RBFOX1: variants seen among roughly 807,000 people sequenced by gnomAD.
RBFOX1 encodes RNA binding fox-1 homolog 1, also known as RNA binding protein fox-1 homolog 1.
RBFOX1 carries 8 observed loss-of-function variants against 57.7 expected under a neutral mutation model. That is an observed-to-expected ratio of 0.14 (90% confidence interval 0.08 to 0.25). The LOEUF is 0.25. Among genes scored for constraint, RBFOX1 ranks in the 10% least tolerant of loss-of-function variants. RBFOX1 has a pLI of 1.00. For missense variants in RBFOX1, 611 were observed against 548.5 expected (o/e 1.11, Z -1.14); for synonymous variants, 326 against 222.4 (o/e 1.47, Z -4.15).
At chr16:5,262,198 C>T (rs947672800) in intron 1 of RBFOX1, among the ~76,000 whole-genome samples, 4 of 152,114 alleles carry the variant, frequency 2.6e-5, no homozygotes, top group Admixed American at 6.5e-5. Flanking sequence ...CATGCAGTAA[C>T]GGGGAGAGAG....
rs548533761 is a variant in RBFOX1, at chr16:6,943,832, C to G, written c.-15-108225C>G. On this transcript the variant is annotated intron_variant, in intron 3 of 15. Coordinates refer to ENST00000550418, the MANE Select transcript of RBFOX1 (RefSeq NM_018723.4). ...AAAAACTGTGTTCAAATAAGGCAAA[C>G]GCTGAGCTGTAACCATTCTAGCTTT... Among the ~76,000 whole-genome samples, 6 of 151,998 alleles carry G rather than the reference C, an allele frequency of 3.9e-5. No homozygotes were observed. The East Asian group carries it at 9.7e-4, about 24-fold the overall frequency.
chr16:6,976,827 A>G (rs1479020794), intron 3 of RBFOX1, among the ~76,000 whole-genome samples: 1 of 146,236 alleles, frequency 6.8e-6, no homozygotes, highest in African/African-American at 2.5e-5. Context: ...TAGATCATAT[A>G]TAATGTACCT....
chr16:7,416,403 A>G (rs2098478256), intron 4 of RBFOX1, among the ~76,000 whole-genome samples: 1 of 152,160 alleles, frequency 6.6e-6, no homozygotes, highest in African/African-American at 2.4e-5. Flanking sequence ...TCTCATGCTT[A>G]CTGATATGAT....
chr16:7,704,131 AG>A (rs908778626), intron 14 of RBFOX1, among the ~76,000 whole-genome samples: 1 of 152,212 alleles, frequency 6.6e-6, no homozygotes, highest in African/African-American at 2.4e-5. Context: ...CATGAGAGCA[AG>A]GACATCATAA....
intron 3 of RBFOX1, among the ~76,000 whole-genome samples, chr16:6,969,932 C>T (rs1682200018): frequency 6.6e-6 from 1 of 152,062 alleles, no homozygotes; most frequent in African/African-American, 2.4e-5. Flanking sequence ...AGATTTCCCA[C>T]ATACAGAAAT....
At chr16:5,787,124 A>G (rs2054529301) in intron 3 of RBFOX1, among the ~76,000 whole-genome samples, 2 of 152,212 alleles carry the variant, frequency 1.3e-5, no homozygotes, top group Admixed American at 6.5e-5. Context: ...ACAGAGTGAG[A>G]TACTGTCTCC....
intron 14 of RBFOX1, among the ~76,000 whole-genome samples, chr16:7,706,050 T>G (rs375107781): frequency 6.6e-6 from 1 of 152,100 alleles, no homozygotes; most frequent in Non-Finnish European, 1.5e-5. Flanking sequence ...GTGCTCTGTC[T>G]CCGGGCTGTG....
At chr16:7,536,011 T>C (rs927405673) in intron 5 of RBFOX1, among the ~76,000 whole-genome samples, 2 of 152,146 alleles carry the variant, frequency 1.3e-5, no homozygotes, top group Admixed American at 6.5e-5. Context: ...GAATGTACAG[T>C]CTACCGTAAC....
At chr16:6,119,725 A>G (rs2096534187) in intron 1 of RBFOX1, among the ~76,000 whole-genome samples, 1 of 152,116 alleles carries the variant, frequency 6.6e-6, no homozygotes, top group Non-Finnish European at 1.5e-5. Context: ...CTGGTTTCAG[A>G]CTCGTGACCC....
chr16:6,259,929 C>G (rs1333063924), intron 1 of RBFOX1, among the ~76,000 whole-genome samples: 1 of 145,988 alleles, frequency 6.8e-6, no homozygotes, highest in East Asian at 2.0e-4. Flanking sequence ...CCACTGAACT[C>G]TAGTCTTGGT....
At chr16:7,641,661 T>G (rs2143356181) in intron 11 of RBFOX1, among the ~76,000 whole-genome samples, 1 of 152,334 alleles carries the variant, frequency 6.6e-6, no homozygotes, top group African/African-American at 2.4e-5. Flanking sequence ...CATTTTTCCT[T>G]TCTCTGGCAA....
chr16:6,293,578 A>C (rs1249545673), intron 1 of RBFOX1, among the ~76,000 whole-genome samples: 2 of 152,174 alleles, frequency 1.3e-5, no homozygotes, highest in African/African-American at 2.4e-5. Flanking sequence ...GCAAGCAATA[A>C]ACATCTGTGA....
chr16:7,241,120 C>G (rs181780601), intron 4 of RBFOX1, among the ~76,000 whole-genome samples: 1 of 152,146 alleles, frequency 6.6e-6, no homozygotes, highest in Non-Finnish European at 1.5e-5. Flanking sequence ...TGGCTTGAGA[C>G]CCGAGGCAGA....
intron 3 of RBFOX1, among the ~76,000 whole-genome samples, chr16:5,779,697 C>T (rs1373132016): frequency 6.6e-6 from 1 of 152,058 alleles, no homozygotes; most frequent in Non-Finnish European, 1.5e-5. Context: ...TAGATGCACC[C>T]CCAACCCAAG....
chr16:6,967,057 A>G lies in RBFOX1; in HGVS notation c.-15-85000A>G, dbSNP rs552753083. Among the ~76,000 whole-genome samples the G allele has an allele frequency of 2.5e-4, 38 of 152,098 alleles. 1 individual carries two copies. Among genetic ancestry groups the G allele is most frequent in the Admixed American group, 1.2e-3 (19 of 15,270 alleles). On this transcript the variant is annotated intron_variant, in intron 3 of 15. Transcript: ENST00000550418. ...CTGTACGTGCATCCACCCTCCATCT[A>G]TCCATATATCTATACATTCATCCAC...
rs144505499 is a variant in RBFOX1, at chr16:5,566,766, TTGAG to T, written c.259-32134_259-32131del. On this transcript the variant is annotated intron_variant, in intron 2 of 2. Transcript: ENST00000585867. ...TTCGAATGCTTTGGAATGATTTTTG[TTGAG>T]TATTAGAGATACATTCACAAATGAG... is the stretch of plus-strand genomic sequence containing the variant. Among the ~76,000 whole-genome samples the T allele has an allele frequency of 4.1e-3, 620 of 152,172 alleles. 8 individuals are homozygous for T. The highest frequency in any genetic ancestry group is 0.014 in the African/African-American group (578 of 41,506).
intron 3 of RBFOX1, among the ~76,000 whole-genome samples, chr16:6,980,164 C>T (rs11866099): frequency 4.2e-4 from 64 of 152,170 alleles, no homozygotes; most frequent in Non-Finnish European, 7.4e-4. Context: ...ATTAAGCCTC[C>T]GCAGTTAGGA....
At chr16:6,588,497 A>T (rs2097663056) in intron 2 of RBFOX1, among the ~76,000 whole-genome samples, 1 of 151,838 alleles carries the variant, frequency 6.6e-6, no homozygotes, top group Non-Finnish European at 1.5e-5. Flanking sequence ...CACCAAACAT[A>T]CAAAAATTAG....
At chr16:5,936,341 C>A (rs1179407131) in intron 4 of RBFOX1, among the ~76,000 whole-genome samples, 1 of 152,268 alleles carries the variant, frequency 6.6e-6, no homozygotes, top group South Asian at 2.1e-4. Context: ...CCAGACTGGT[C>A]TCAAATGCCT....
Sources: gnomAD v4.1 joint callset for allele counts (sites outside exome capture counted in the v4.1 genomes callset) on GRCh38, gnomAD v4.1.1 for gene constraint, MANE v1.5 for transcripts, NCBI Gene and HGNC (gene_info 2026-07-23, HGNC 2026-07-21) for gene names.